The following DST variants were observed in gnomAD, a reference collection of about 807,000 sequenced individuals.
DST encodes bullous pemphigoid antigen.
Under a neutral mutation model 875.2 loss-of-function variants are expected in DST, and 253 were observed. That is an observed-to-expected ratio of 0.29 (90% CI 0.26 to 0.32). The LOEUF is 0.32. DST is among the 10% of genes least tolerant of loss of function. The probability of loss-of-function intolerance (pLI) is 1.00; values close to 1 mark genes in which losing one functional copy is unlikely to be tolerated. For synonymous variants in DST, 3,124 were observed against 3,197.1 expected, an observed-to-expected ratio of 0.98 and a Z score of 0.77; for missense variants, 8,287 against 9,111.6, an observed-to-expected ratio of 0.91 and a Z score of 3.68.
intron 5 of DST, among the ~76,000 whole-genome samples, chr6:56,718,490 T>C (rs2099402718): frequency 6.6e-6 from 1 of 152,132 alleles, no homozygotes; most frequent in Non-Finnish European, 1.5e-5. Context: ...TTTTGGAAAA[T>C]AGTTTGGAGG....
intron 4 of DST, among the ~76,000 whole-genome samples, chr6:56,822,622 A>G (rs188774315): frequency 1.4e-3 from 219 of 152,238 alleles, no homozygotes; most frequent in Non-Finnish European, 1.3e-3. Context: ...AAAAGTTCAC[A>G]GCAACAAAAA....
chr6:56,840,473 T>C (rs1400629643), intron 4 of DST, among the ~76,000 whole-genome samples: 2 of 152,158 alleles, frequency 1.3e-5, no homozygotes, highest in African/African-American at 4.8e-5. Flanking sequence ...GCTGAAGAAA[T>C]ATGTTTTTTT....
At chr6:56,720,121 A>G (rs2099409146) in intron 5 of DST, among the ~76,000 whole-genome samples, 1 of 152,156 alleles carries the variant, frequency 6.6e-6, no homozygotes, top group Non-Finnish European at 1.5e-5. Context: ...TCATCCCTAC[A>G]GTTTCGACCA....
At chr6:56,651,462 C>T (rs2098975366) in intron 10 of DST, among the ~76,000 whole-genome samples, 1 of 152,262 alleles carries the variant, frequency 6.6e-6, no homozygotes, top group Non-Finnish European at 1.5e-5. Flanking sequence ...ACAATTTGAA[C>T]ATATATAAAT....
chr6:56,729,293 A>C (rs1039633403), intron 5 of DST, among the ~76,000 whole-genome samples: 1 of 152,222 alleles, frequency 6.6e-6, no homozygotes, highest in Non-Finnish European at 1.5e-5. Context: ...TGATGCTTCA[A>C]AAATTCCCCT....
At chr6:56,568,992 A>G (rs914566461) in intron 54 of DST, among the ~76,000 whole-genome samples, 1 of 152,192 alleles carries the variant, frequency 6.6e-6, no homozygotes, top group Non-Finnish European at 1.5e-5. Flanking sequence ...TTCATTTTAC[A>G]GCATATTTTA....
intron 90 of DST, among the ~76,000 whole-genome samples, chr6:56,481,116 G>A (rs531516114): frequency 6.6e-6 from 1 of 152,140 alleles, no homozygotes; most frequent in African/African-American, 2.4e-5. Context: ...ATATTTCATC[G>A]CTATAGATTC....
intron 9 of DST, among the ~76,000 whole-genome samples, chr6:56,673,195 T>C (rs1458516045): frequency 6.6e-6 from 1 of 152,026 alleles, no homozygotes; most frequent in Non-Finnish European, 1.5e-5. Flanking sequence ...TAGTGAGCCA[T>C]GATCACGCCA....
At chr6:56,729,527 T>C (rs1250771883) in intron 5 of DST, among the ~76,000 whole-genome samples, 1 of 151,896 alleles carries the variant, frequency 6.6e-6, no homozygotes, top group East Asian at 1.9e-4. Context: ...GAGGCGGAGA[T>C]TGCGGGGAGG....
chr6:56,770,781 G>A (rs1435034208), intron 4 of DST, among the ~76,000 whole-genome samples: 1 of 151,968 alleles, frequency 6.6e-6, no homozygotes, highest in Non-Finnish European at 1.5e-5. Context: ...TGGGTGGATC[G>A]CCCGAGGTCA....
intron 28 of DST, 141 bp downstream of exon 28, chr6:56,632,713 T>C: frequency 4.2e-6 from 3 of 713,080 alleles, no homozygotes; most frequent in Non-Finnish European, 4.8e-6. Context: ...TCAAACATGC[T>C]TTTACCGTTC....
intron 9 of DST, among the ~76,000 whole-genome samples, chr6:56,677,052 G>A (rs567437755): frequency 9.2e-5 from 14 of 152,096 alleles, no homozygotes; most frequent in Non-Finnish European, 1.9e-4. Context: ...AAAAATGTAA[G>A]TACTGAAGTA....
rs760063741 is a variant in DST, at chr6:56,489,594, T to C, written c.20773A>G (p.Ser6925Gly). Residue 6925 changes from serine to glycine, a missense_variant, in exon 86 of 104, where the codon AGT becomes GGT. This residue lies in a region of DST where 1,292 missense variants were observed against 1,552.7 expected (regional missense o/e 0.83). Transcript: ENST00000680361. ...KRAKQFHEAW[S>G]KLMEWLEESE... ...TCTTCTAGCCACTCCATAAGTTTAC[T>C]CCAAGCTTCATGGAACTAGAAAGAA... 5.6e-6 allele frequency: 9 copies of C among 1,611,354 alleles called. No homozygotes were observed. The South Asian group carries it at 8.8e-5, about 16-fold the overall frequency.
intron 72 of DST, among the ~76,000 whole-genome samples, chr6:56,514,822 G>T (rs1445689493): frequency 2.0e-5 from 3 of 152,140 alleles, no homozygotes; most frequent in African/African-American, 7.2e-5. Flanking sequence ...AGGGCTTTAT[G>T]TGCCATTTCA....
chr6:56,650,599 A>G (rs2152798114), intron 12 of DST, among the ~76,000 whole-genome samples: 1 of 152,370 alleles, frequency 6.6e-6, no homozygotes, highest in African/African-American at 2.4e-5. Context: ...ACAAAAGAAT[A>G]GCAAATACAG....
Position 56,572,829 on chromosome 6 carries a change from G to A in DST, c.13472C>T (p.Thr4491Ile). The change falls in exon 52 of 104, where the codon ACA becomes ATA. Residue 4491 changes from threonine to isoleucine, a missense_variant. Thr to Ile is a moderately conservative substitution (Grantham distance 89). This residue lies in a region of DST where 1,513 missense variants were observed against 1,677.8 expected (regional missense o/e 0.90). Transcript: ENST00000680361. The part of the protein sequence containing the change: ...LFENLSEKLQ[T>I]FLETKTQALT... ...AGCCTGAGTTTTTGTTTCTAAAAAT[G>A]TCTGGAGCTTTTCTGAGAGGTTCTC... is the stretch of plus-strand genomic sequence containing the variant. 4 of 1,611,762 alleles carry A rather than the reference G, an allele frequency of 2.5e-6. No individual in the cohort carries two copies. Among genetic ancestry groups the A allele is most frequent in the Non-Finnish European group, 3.4e-6 (4 of 1,179,288 alleles).
At chr6:56,497,800 A>C in intron 81 of DST, 56 bp downstream of exon 81, 1 of 1,424,428 alleles carries the variant, frequency 7.0e-7, no homozygotes, top group Non-Finnish European at 9.4e-7. Flanking sequence ...AAAGAATTCC[A>C]TGCTATTTTG....
At chr6:56,645,776 G>C (rs983148323) in intron 15 of DST, 90 bp downstream of exon 15, 1 of 1,473,186 alleles carries the variant, frequency 6.8e-7, no homozygotes, top group Non-Finnish European at 9.2e-7. Flanking sequence ...CCAAGGCCAA[G>C]TAAACAGAGG....
intron 24 of DST, among the ~76,000 whole-genome samples, chr6:56,635,177 C>A (rs969438940): frequency 1.3e-5 from 2 of 152,102 alleles, no homozygotes; most frequent in Admixed American, 1.3e-4. Context: ...ACATACTATA[C>A]AAATTTTACT....
Sources: gnomAD v4.1 joint callset for allele counts (sites outside exome capture counted in the v4.1 genomes callset) on GRCh38, gnomAD v4.1.1 for gene constraint, gnomAD v4.1.1 regional missense constraint, MANE v1.5 for transcripts, NCBI Gene and HGNC (gene_info 2026-07-23, HGNC 2026-07-21) for gene names.